UBE4B: variants seen among roughly 807,000 people sequenced by gnomAD.
The protein encoded by UBE4B is ubiquitination factor E4B.
Under a neutral mutation model 148.1 loss-of-function variants are expected in UBE4B, and 27 were observed. The observed-to-expected ratio is 0.18, with a 90% confidence interval of 0.13 to 0.25. UBE4B has a LOEUF of 0.25. Ranked by LOEUF, UBE4B falls within the 10% of genes least tolerant of loss-of-function variation. UBE4B has a pLI of 1.00. For synonymous variants in UBE4B, 596 were observed against 619.3 expected, an observed-to-expected ratio of 0.96 and a Z score of 0.56; for missense variants, 1,170 against 1,662.4, an observed-to-expected ratio of 0.70 and a Z score of 5.15.
intron 24 of UBE4B, among the ~76,000 whole-genome samples, chr1:10,170,250 A>G (rs1329835103): frequency 2.6e-5 from 4 of 152,128 alleles, no homozygotes; most frequent in Non-Finnish European, 2.9e-5. Flanking sequence ...CCTACTTCAA[A>G]CAGAATGACC....
chr1:10,153,360 G>A (rs1322194145), intron 21 of UBE4B, among the ~76,000 whole-genome samples: 5 of 151,500 alleles, frequency 3.3e-5, no homozygotes, highest in Non-Finnish European at 7.4e-5. Flanking sequence ...TTAAAAATTA[G>A]ATGCCTGTTG....
chr1:10,126,644 T>C (rs1570939202), intron 10 of UBE4B, 150 bp from the exon 11 acceptor site: 1 of 646,282 alleles, frequency 1.5e-6, no homozygotes, highest in Non-Finnish European at 2.7e-6. Flanking sequence ...GTCAACACTC[T>C]GGCTGAATTC....
chr1:10,151,287 C>G (rs1175751353), intron 20 of UBE4B, 39 bp from the exon 21 acceptor site: 5 of 1,593,310 alleles, frequency 3.1e-6, no homozygotes, highest in Admixed American at 1.7e-5. Context: ...TCAGCAGTTT[C>G]TCAGCGGTCT....
chr1:10,178,788 G>A lies in UBE4B; in HGVS notation c.3670G>A (p.Asp1224Asn), dbSNP rs756559591. 6.2e-6 allele frequency: 10 copies of A among 1,612,768 alleles called. No homozygotes were observed. The highest frequency in any genetic ancestry group is 8.5e-6 in the Non-Finnish European group (10 of 1,179,600). ...IVAKNARAEI[D>N]YSDAPDEFRD... ...GGCCAAGAACGCACGCGCAGAAATC[G>A]ACTACAGCGACGCTCCTGATGAGTT... The change falls in exon 26 of 28, where the codon GAC becomes AAC. Residue 1224 changes from aspartate to asparagine, a missense_variant. Coordinates refer to ENST00000343090, the MANE Select transcript of UBE4B (RefSeq NM_001105562.3).
chr1:10,047,574 G>A (rs1643938375), intron 1 of UBE4B, among the ~76,000 whole-genome samples: 1 of 144,588 alleles, frequency 6.9e-6, no homozygotes, highest in Non-Finnish European at 1.5e-5. Flanking sequence ...CTCACCGCAA[G>A]CTCCGCCTCC....
Position 10,053,313 on chromosome 1 carries a change from T to C in UBE4B, c.25-18715T>C, listed in dbSNP as rs372645590. On this transcript the variant is annotated intron_variant, in intron 1 of 27. Transcript: ENST00000343090. ...ACAGGCATGCACCACCATGCCCGGC[T>C]AATTTTTTTGTATTTTTAGTAGAGA... 1.1e-4 allele frequency among the ~76,000 whole-genome samples: 16 copies of C among 151,860 alleles called. No homozygotes were observed. In the East Asian group the frequency reaches 1.2e-3, roughly 11 times the overall value.
In UBE4B at chr1:10,157,385, G is replaced by C. The variant is rs532569699; in HGVS notation, c.2927-971G>C. Among the ~76,000 whole-genome samples the C allele has an allele frequency of 1.2e-4, 18 of 152,276 alleles. No homozygotes were observed. In the East Asian group the frequency reaches 3.5e-3, roughly 29 times the overall value. On this transcript the variant is annotated intron_variant, in intron 21 of 27. Transcript: ENST00000343090. The stretch of plus-strand genomic sequence containing the variant: ...CCAGCTACTTGGGATGCTGAGGTGG[G>C]AGGATCACTTGAGCCCGAGAGGTTG...
intron 10 of UBE4B, 39 bp from the exon 11 acceptor site, chr1:10,126,755 C>T (rs763856003): frequency 6.5e-7 from 1 of 1,546,114 alleles, no homozygotes; most frequent in South Asian, 1.1e-5. Context: ...CTTAGATTCT[C>T]TTAAACTTAT....
chr1:10,039,380 G>A (rs926222265), intron 1 of UBE4B, among the ~76,000 whole-genome samples: 2 of 152,064 alleles, frequency 1.3e-5, no homozygotes, highest in African/African-American at 2.4e-5. Flanking sequence ...GTGTGTGGCA[G>A]GTACCTGATC....
intron 1 of UBE4B, among the ~76,000 whole-genome samples, chr1:10,069,916 C>T (rs2101828670): frequency 6.6e-6 from 1 of 152,140 alleles, no homozygotes; most frequent in African/African-American, 2.4e-5. Context: ...GTAAAGTAGT[C>T]AGTAATAAAG....
At chr1:10,120,295 C>T (rs1645389165) in intron 9 of UBE4B, among the ~76,000 whole-genome samples, 1 of 151,520 alleles carries the variant, frequency 6.6e-6, no homozygotes. Flanking sequence ...CTGAGGCTGG[C>T]GGATCACCTG....
chr1:10,178,418 A>G (rs1646458868), intron 25 of UBE4B, among the ~76,000 whole-genome samples: 1 of 152,218 alleles, frequency 6.6e-6, no homozygotes, highest in African/African-American at 2.4e-5. Flanking sequence ...AGTTTGGCAC[A>G]TATTATTCCA....
In UBE4B at chr1:10,156,010, A is replaced by C. The variant is rs146866855; in HGVS notation, c.2927-2346A>C. On this transcript the variant is annotated intron_variant, in intron 21 of 27. Coordinates refer to ENST00000343090, the MANE Select transcript of UBE4B (RefSeq NM_001105562.3). ...TTGCCACTGTACTCCAGCCTGGGCT[A>C]CAGAGTGAGACTCCATCTCAAAAAA... Among the ~76,000 whole-genome samples, 1,320 of 151,042 alleles carry C rather than the reference A, an allele frequency of 8.7e-3. 11 individuals carry two copies. The highest frequency in any genetic ancestry group is 0.02 in the African/African-American group (821 of 41,224).
At chr1:10,167,779 G>A (rs933252533) in intron 23 of UBE4B, among the ~76,000 whole-genome samples, 7 of 151,900 alleles carry the variant, frequency 4.6e-5, no homozygotes, top group East Asian at 3.9e-4. Flanking sequence ...TTTTAGTAGC[G>A]ACGGGGTTTC....
chr1:10,053,498 A>G (rs1644096216), intron 1 of UBE4B, among the ~76,000 whole-genome samples: 1 of 152,146 alleles, frequency 6.6e-6, no homozygotes. Flanking sequence ...CTCGTCGCCC[A>G]GGCTGGAGTG....
In UBE4B at chr1:10,147,026, T is replaced by G; in HGVS notation, c.2527T>G (p.Cys843Gly). The G allele has an allele frequency of 3.7e-6, 6 of 1,614,168 alleles. No homozygotes were observed. The highest frequency in any genetic ancestry group is 5.1e-6 in the Non-Finnish European group (6 of 1,180,038). ...GLLDESFLRR[C>G]LNFYGLLIQL... ...ACTTGACGAGAGCTTCCTGAGAAGA[T>G]GTCTGAATTTTTATGGCCTTCTCAT... The change falls in exon 19 of 28, where the codon TGT (cysteine) becomes GGT (glycine). Residue 843 changes from cysteine (C) to glycine (G), a missense_variant. Cys to Gly is a radical substitution (Grantham distance 159). Around this residue, in one of 6 missense-constraint regions of UBE4B, gnomAD observed 348 missense variants for 627.2 expected, o/e 0.55. Coordinates refer to ENST00000343090, the MANE Select transcript of UBE4B (RefSeq NM_001105562.3).
chr1:10,106,292 A>G lies in UBE4B; in HGVS notation c.905A>G (p.Gln302Arg), dbSNP rs1645107194. The change falls in exon 7 of 28, where the codon CAG becomes CGG. Residue 302 changes from glutamine (Q) to arginine (R), a missense_variant. Around this residue, in one of 6 missense-constraint regions of UBE4B, gnomAD observed 214 missense variants for 209.1 expected, o/e 1.02. Transcript: ENST00000343090. This position sits in a 1 kb window ranked among gnomAD's most constrained non-coding sequence, Gnocchi z 4.2. ...SLASPSRAAS[Q>R]LAVPSTPLSP... Reference sequence around the variant, plus strand: ...GCCTCACCTTCCCGTGCAGCCAGCCAGTTGGCTGTGCCTTCCACTCCCCTC... The same window carrying G: ...GCCTCACCTTCCCGTGCAGCCAGCCGGTTGGCTGTGCCTTCCACTCCCCTC... 1 of 1,614,128 alleles carries G rather than the reference A, an allele frequency of 6.2e-7. No individual in the cohort carries two copies. The highest frequency in any genetic ancestry group is 8.5e-7 in the Non-Finnish European group (1 of 1,180,010).
At chr1:10,069,290 C>G (rs1644444078) in intron 1 of UBE4B, among the ~76,000 whole-genome samples, 1 of 152,130 alleles carries the variant, frequency 6.6e-6, no homozygotes, top group Non-Finnish European at 1.5e-5. Context: ...GTGCATTTTT[C>G]TAGTATTTCT....
In UBE4B at chr1:10,037,731, T is replaced by A. The variant is rs201641352; in HGVS notation, c.24+4037T>A. 5.3e-5 allele frequency among the ~76,000 whole-genome samples: 8 copies of A among 151,822 alleles called. No individual in the cohort carries two copies. The East Asian group carries it at 1.6e-3, about 30-fold the overall frequency. On this transcript the variant is annotated intron_variant, in intron 1 of 27. Transcript: ENST00000343090. ...CACCACACCTGGCCAATTTTTGTAT[T>A]TTTTTCTAGAGACAGGGTTTCACCA...
Sources: gnomAD v4.1 joint callset for allele counts (sites outside exome capture counted in the v4.1 genomes callset) on GRCh38, gnomAD v4.1.1 for gene constraint, gnomAD v4.1.1 regional missense constraint, Gnocchi (gnomAD v3.1) non-coding constraint, MANE v1.5 for transcripts, NCBI Gene and HGNC (gene_info 2026-07-23, HGNC 2026-07-21) for gene names.